The following SGCG variants were observed in gnomAD, a reference collection of about 807,000 sequenced individuals.
SGCG encodes gamma-sarcoglycan.
Under a neutral mutation model 29.3 loss-of-function variants are expected in SGCG, and 26 were observed. The observed-to-expected ratio is 0.89, with a 90% CI of 0.65 to 1.23. The LOEUF (loss-of-function observed/expected upper bound fraction) is 1.23. SGCG is among the 50% of genes most tolerant of loss of function. The probability of loss-of-function intolerance (pLI) is 0.00; values close to 1 mark genes in which losing one functional copy is unlikely to be tolerated. For missense variants in SGCG, 353 were observed against 356.0 expected (o/e 0.99, Z 0.07); for synonymous variants, 145 against 129.7 (o/e 1.12, Z -0.80).
At chr13:23,234,911 C>T (rs1879252134) in intron 3 of SGCG, among the ~76,000 whole-genome samples, 199 bp downstream of exon 3, 1 of 152,080 alleles carries the variant, frequency 6.6e-6, no homozygotes, top group Admixed American at 6.6e-5. Flanking sequence ...ATTTAATATG[C>T]TTCAGATCTG....
chr13:23,256,658 TCAGAATGATGGTTTC>T (rs1262400245), intron 4 of SGCG, among the ~76,000 whole-genome samples: 1 of 152,196 alleles, frequency 6.6e-6, no homozygotes, highest in Non-Finnish European at 1.5e-5. Flanking sequence ...AATAGTTTGC[TCAGAATGATGGTTTC>T]CAGCTTCATC....
At chr13:23,239,187 A>C (rs1390897957) in intron 3 of SGCG, among the ~76,000 whole-genome samples, 1 of 152,172 alleles carries the variant, frequency 6.6e-6, no homozygotes, top group Admixed American at 6.5e-5. Context: ...GCTTAAAAAC[A>C]AGAGAGAAAA....
At position 23,304,128 on chromosome 13, in the gene SGCG, G is replaced by A. The variant is rs145371294; in HGVS notation, c.578+8641G>A. Among the ~76,000 whole-genome samples, 1,353 of 151,998 alleles carry A rather than the reference G, an allele frequency of 8.9e-3. 19 individuals carry two copies. Among genetic ancestry groups the A allele is most frequent in the African/African-American group, 0.031 (1,293 of 41,460 alleles). On this transcript the variant is annotated intron_variant, in intron 6 of 7. Coordinates refer to ENST00000218867, the MANE Select transcript of SGCG (RefSeq NM_000231.3). ...AATTTTTAAGACTTCTTTAAATATT[G>A]GGAATATTAGCCCTTCATCCCTGAT...
chr13:23,173,484 A>G, the SGCG span, among the ~76,000 whole-genome samples: 2 of 152,218 alleles, frequency 1.3e-5, no homozygotes, highest in African/African-American at 4.8e-5. Context: ...TCAATGGCCA[A>G]CATACTTTCA....
intron 1 of SGCG, among the ~76,000 whole-genome samples, chr13:23,185,919 A>C (rs1412605398): frequency 6.6e-6 from 1 of 152,098 alleles, no homozygotes; most frequent in African/African-American, 2.4e-5. Flanking sequence ...CCCTCGCATC[A>C]CTCAGATCCT....
At chr13:23,278,369 G>A (rs1055102012) in intron 4 of SGCG, among the ~76,000 whole-genome samples, 6 of 151,836 alleles carry the variant, frequency 4.0e-5, no homozygotes, top group Non-Finnish European at 8.8e-5. Flanking sequence ...CTTGAACTTG[G>A]GAGGCGGACA....
intron 5 of SGCG, among the ~76,000 whole-genome samples, 180 bp downstream of exon 5, chr13:23,279,658 C>A (rs1217897413): frequency 1.3e-5 from 2 of 148,206 alleles, no homozygotes; most frequent in African/African-American, 4.9e-5. Flanking sequence ...GAACAAAATC[C>A]TCCCCACAGA....
Position 23,324,674 on chromosome 13 carries a change from T to TTA in SGCG, c.*135_*136dup. 1 of 782,450 alleles carries TTA rather than the reference T, an allele frequency of 1.3e-6. No individual in the cohort carries two copies. Among genetic ancestry groups the TTA allele is most frequent in the Non-Finnish European group, 2.1e-6 (1 of 465,572 alleles). The allele number at this position is 782,450 out of a possible 1,614,324, so 48.5% of individuals were successfully genotyped here. A position where few individuals can be genotyped will look rare whatever the true frequency, so the allele number is the denominator to read the frequency against. ...CGCTTCCAGAGGAACTCAGAAAAAA[T>TTA]TATGTGCCAGTGAAAGTGTTTGGAC... On this transcript the variant is annotated 3_prime_UTR_variant, in exon 8 of 8. Transcript: ENST00000218867.
chr13:23,299,456 A>ATTTT lies in SGCG; in HGVS notation c.578+3982_578+3985dup, dbSNP rs71100168. 4.8e-4 allele frequency among the ~76,000 whole-genome samples: 20 copies of ATTTT among 41,544 alleles called. 2 individuals are homozygous for ATTTT. Among genetic ancestry groups the ATTTT allele is most frequent in the African/African-American group, 1.2e-3 (15 of 13,034 alleles). 27.3% of individuals were successfully genotyped at this position (41,544 alleles called of 152,430 possible). A position where few individuals can be genotyped will look rare whatever the true frequency, so the allele number is the denominator to read the frequency against. On this transcript the variant is annotated intron_variant, in intron 6 of 7. Transcript: ENST00000218867. ...TATATATATATATATATATATATAT[A>ATTTT]TTTTTTTTTTTTTTTTAGTCGGAGT...
chr13:23,169,310 C>G, the SGCG span, among the ~76,000 whole-genome samples: 1 of 151,080 alleles, frequency 6.6e-6, no homozygotes, highest in Non-Finnish European at 1.5e-5. Context: ...TTTTTAAATA[C>G]TTCTTTCTAC....
intron 2 of SGCG, among the ~76,000 whole-genome samples, chr13:23,206,718 A>G (rs1877993713): frequency 6.6e-6 from 1 of 152,232 alleles, no homozygotes; most frequent in Non-Finnish European, 1.5e-5. Context: ...GCCATTTTCA[A>G]TAACATCAAA....
chr13:23,203,172 G>A (rs1245970567), intron 1 of SGCG, among the ~76,000 whole-genome samples: 1 of 152,116 alleles, frequency 6.6e-6, no homozygotes, highest in Non-Finnish European at 1.5e-5. Context: ...TGTTAGCCAG[G>A]ATGGTCTCGA....
chr13:23,197,507 G>C (rs948642134), intron 1 of SGCG, among the ~76,000 whole-genome samples: 1 of 152,118 alleles, frequency 6.6e-6, no homozygotes, highest in African/African-American at 2.4e-5. Context: ...CCCTGTGAAC[G>C]GAAAGGACCT....
At chr13:23,280,385 AC>A (rs1881264545) in intron 5 of SGCG, among the ~76,000 whole-genome samples, 1 of 152,188 alleles carries the variant, frequency 6.6e-6, no homozygotes, top group African/African-American at 2.4e-5. Flanking sequence ...ACACAATACT[AC>A]CAATACTCCC....
At chr13:23,321,501 A>G (rs1311342604) in intron 7 of SGCG, among the ~76,000 whole-genome samples, 1 of 152,216 alleles carries the variant, frequency 6.6e-6, no homozygotes, top group Non-Finnish European at 1.5e-5. Context: ...CTTTGGAGCC[A>G]TTATTAATTA....
At chr13:23,318,764 G>A (rs1882923729) in intron 6 of SGCG, among the ~76,000 whole-genome samples, 1 of 152,144 alleles carries the variant, frequency 6.6e-6, no homozygotes, top group Non-Finnish European at 1.5e-5. Flanking sequence ...AATGCAAAGG[G>A]TAAGAAGTTT....
chr13:23,272,905 A>G (rs891808824), intron 4 of SGCG, among the ~76,000 whole-genome samples: 3 of 152,198 alleles, frequency 2.0e-5, no homozygotes, highest in African/African-American at 7.2e-5. Flanking sequence ...AGAGTTCTGC[A>G]TAGTTGTCTC....
At chr13:23,214,985 A>T (rs1281643834) in intron 2 of SGCG, among the ~76,000 whole-genome samples, 5 of 152,194 alleles carry the variant, frequency 3.3e-5, no homozygotes, top group Non-Finnish European at 7.3e-5. Context: ...TCCCATTATT[A>T]TCGGTGTCTA....
chr13:23,322,765 T>TCCCCCCCCCCC (rs1189871837), intron 7 of SGCG, among the ~76,000 whole-genome samples: 1,529 of 61,390 alleles, frequency 0.025, 23 homozygotes, highest in Middle Eastern at 0.043. Flanking sequence ...CCCCCACCCA[T>TCCCCCCCCCCC]CCACCTCCCC....
Sources: allele counts gnomAD v4.1 joint callset (sites outside exome capture counted in the v4.1 genomes callset), GRCh38; gene constraint gnomAD v4.1.1; transcripts MANE v1.5; gene names NCBI Gene and HGNC (gene_info 2026-07-23, HGNC 2026-07-21).